KCNK2: variants seen among roughly 807,000 people sequenced by gnomAD.
KCNK2 encodes the protein potassium channel subfamily K member 2.
In KCNK2, 21 loss-of-function variants were observed where a neutral mutation model predicts 40.5. The ratio of observed to expected loss-of-function variants is 0.52; its 90% CI spans 0.37 to 0.75. The LOEUF (loss-of-function observed/expected upper bound fraction) is 0.75. Among genes scored for constraint, KCNK2 ranks in the 30% least tolerant of loss-of-function variants. KCNK2 has a pLI of 0.00. For missense variants in KCNK2, 399 were observed against 531.6 expected (o/e 0.75, Z 2.45); for synonymous variants, 191 against 202.2 (o/e 0.94, Z 0.47).
intron 3 of KCNK2, among the ~76,000 whole-genome samples, chr1:215,129,279 T>A (rs2102586975): frequency 6.6e-6 from 1 of 152,328 alleles, no homozygotes; most frequent in Non-Finnish European, 1.5e-5. Context: ...TGTATTATTT[T>A]AGGAAGATTC....
At position 215,141,356 on chromosome 1, in the gene KCNK2, A is replaced by T. The variant is rs372725509; in HGVS notation, c.475+16606A>T. Among the ~76,000 whole-genome samples the T allele has an allele frequency of 5.5e-4, 84 of 152,290 alleles. No individual in the cohort carries two copies. In the South Asian group the frequency reaches 0.017, roughly 32 times the overall value. ...ACTTTTATATAATGAGAAGTGCAGT[A>T]GATTTTCTATATCAGCATCACCACA... On this transcript the variant is annotated intron_variant, in intron 3 of 6. Coordinates refer to ENST00000444842, the MANE Select transcript of KCNK2 (RefSeq NM_001017425.3).
chr1:215,194,696 G>A (rs1367795118), intron 5 of KCNK2, among the ~76,000 whole-genome samples: 1 of 152,082 alleles, frequency 6.6e-6, no homozygotes, highest in Non-Finnish European at 1.5e-5. Context: ...ATGAAACATG[G>A]AGCAAGGAAA....
chr1:215,169,727 C>T (rs1051535029), intron 4 of KCNK2, among the ~76,000 whole-genome samples: 7 of 151,468 alleles, frequency 4.6e-5, no homozygotes, highest in Non-Finnish European at 8.8e-5. Flanking sequence ...CTCACTGCAA[C>T]CTCCACCTCC....
At chr1:215,027,561 C>T (rs530736742) in intron 1 of KCNK2, among the ~76,000 whole-genome samples, 1 of 152,184 alleles carries the variant, frequency 6.6e-6, no homozygotes, top group Non-Finnish European at 1.5e-5. Context: ...TTCTTGCACA[C>T]CCAGAGTAAA....
At chr1:215,108,450 A>T (rs867171449) in intron 2 of KCNK2, among the ~76,000 whole-genome samples, 15 of 152,064 alleles carry the variant, frequency 9.9e-5, no homozygotes, top group Admixed American at 2.6e-4. Flanking sequence ...ATAGCTTTTC[A>T]TATTTTATAG....
upstream of KCNK2, among the ~76,000 whole-genome samples, chr1:215,079,989 C>T (rs986742781): frequency 2.0e-5 from 3 of 152,018 alleles, no homozygotes; most frequent in African/African-American, 7.3e-5. Flanking sequence ...CATCACTTCT[C>T]CCCCAACCCC....
chr1:215,057,987 G>A (rs1279786148), intron 1 of KCNK2, among the ~76,000 whole-genome samples: 2 of 152,136 alleles, frequency 1.3e-5, no homozygotes, highest in Admixed American at 6.5e-5. Context: ...ATGATGGTGA[G>A]GATGATGAAG....
At position 215,059,601 on chromosome 1, in the gene KCNK2, G is replaced by A. The variant is rs565834235; in HGVS notation, c.35-26767G>A. Among the ~76,000 whole-genome samples the A allele has an allele frequency of 5.3e-5, 8 of 152,288 alleles. No homozygotes were observed. In the South Asian group the frequency reaches 1.2e-3, roughly 24 times the overall value. ...TTGGGGTGAAATTGGGATTAGAAATGTTTGGAGACTGTTGAAAGAGAAATG... is the reference window on the plus strand; with the variant it reads ...TTGGGGTGAAATTGGGATTAGAAATATTTGGAGACTGTTGAAAGAGAAATG... On this transcript the variant is annotated intron_variant, in intron 1 of 6. Transcript: ENST00000391895.
Position 215,022,668 on chromosome 1 carries a change from G to A in KCNK2, c.34+16713G>A, listed in dbSNP as rs568417181. On this transcript the variant is annotated intron_variant, in intron 1 of 6. Transcript: ENST00000391895. The stretch of plus-strand genomic sequence containing the variant: ...CAAATCCCTAAACTTGTCTGAAGAT[G>A]TGCAACCTTCCTTCTGCCTAACTTG... Among the ~76,000 whole-genome samples the A allele has an allele frequency of 8.5e-5, 13 of 152,204 alleles. No individual in the cohort carries two copies. In the South Asian group the frequency reaches 2.5e-3, roughly 29 times the overall value.
chr1:215,122,139 T>C (rs893692966), intron 2 of KCNK2, among the ~76,000 whole-genome samples: 2 of 152,138 alleles, frequency 1.3e-5, no homozygotes, highest in Non-Finnish European at 2.9e-5. Flanking sequence ...ATGGTATATA[T>C]AATCAGTATA....
chr1:215,178,734 T>C (rs1415733727), intron 5 of KCNK2, among the ~76,000 whole-genome samples: 1 of 152,170 alleles, frequency 6.6e-6, no homozygotes, highest in East Asian at 1.9e-4. Flanking sequence ...ACTAACTTTT[T>C]GATGTGCTGT....
intron 2 of KCNK2, among the ~76,000 whole-genome samples, chr1:215,115,735 TTA>T (rs575096014): frequency 6.8e-6 from 1 of 146,912 alleles, no homozygotes; most frequent in South Asian, 2.1e-4. Context: ...CCTTTTTTTT[TTA>T]AAAAAATTAA....
intron 2 of KCNK2, among the ~76,000 whole-genome samples, chr1:215,086,892 C>G (rs775934146): frequency 2.0e-5 from 3 of 152,156 alleles, no homozygotes; most frequent in Non-Finnish European, 4.4e-5. Flanking sequence ...TCTTCTCTTC[C>G]TCTTTTAGTT....
chr1:215,042,167 A>G (rs1312590691), intron 1 of KCNK2, among the ~76,000 whole-genome samples: 2 of 152,194 alleles, frequency 1.3e-5, no homozygotes, highest in African/African-American at 2.4e-5. Context: ...GCCAAGCCCT[A>G]TCAGATGCTA....
intron 3 of KCNK2, among the ~76,000 whole-genome samples, chr1:215,138,388 A>C (rs1439026807): frequency 6.6e-6 from 1 of 152,196 alleles, no homozygotes; most frequent in Non-Finnish European, 1.5e-5. Context: ...TTTGGGGGAA[A>C]AATTTCAAGA....
intron 5 of KCNK2, among the ~76,000 whole-genome samples, chr1:215,185,303 G>T (rs917083200): frequency 2.0e-5 from 3 of 152,084 alleles, no homozygotes; most frequent in African/African-American, 7.2e-5. Flanking sequence ...TTGTGGCTGT[G>T]TTGGTCTTTG....
chr1:215,212,403 G>A (rs1206585863), intron 6 of KCNK2, among the ~76,000 whole-genome samples: 8 of 152,010 alleles, frequency 5.3e-5, no homozygotes, highest in Non-Finnish European at 1.0e-4. Flanking sequence ...TGACAAATTT[G>A]CTGATTTGAA....
chr1:215,061,127 T>C (rs1344151659), intron 1 of KCNK2, among the ~76,000 whole-genome samples: 2 of 152,180 alleles, frequency 1.3e-5, no homozygotes, highest in Non-Finnish European at 2.9e-5. Context: ...AGAAATACTT[T>C]TGTGTATACA....
chr1:215,209,463 T>TTAATATATATTATATATA (rs1665510291), intron 6 of KCNK2, among the ~76,000 whole-genome samples: 1 of 5,248 alleles, frequency 1.9e-4, no homozygotes, highest in Non-Finnish European at 5.9e-4. Context: ...TTATATATTA[T>TTAATATATATTATATATA]ATATAATATA....
Sources: allele counts gnomAD v4.1 joint callset (sites outside exome capture counted in the v4.1 genomes callset), GRCh38; gene constraint gnomAD v4.1.1; transcripts MANE v1.5; gene names NCBI Gene and HGNC (gene_info 2026-07-23, HGNC 2026-07-21).